The following HS3ST5 variants were observed in gnomAD, a reference collection of about 807,000 sequenced individuals.
HS3ST5 encodes the protein heparan sulfate-glucosamine 3-sulfotransferase 5.
A neutral mutation model predicts 25.4 loss-of-function variants in HS3ST5; 10 were observed. The ratio of observed to expected loss-of-function variants is 0.39; its 90% CI spans 0.24 to 0.67. HS3ST5 has a LOEUF of 0.67. Ranked by LOEUF, HS3ST5 falls within the 30% of genes least tolerant of loss-of-function variation. HS3ST5 has a pLI of 0.44. For missense variants in HS3ST5, 324 were observed against 420.7 expected (o/e 0.77, Z 2.01); for synonymous variants, 170 against 162.4 (o/e 1.05, Z -0.36).
At chr6:114,339,105 A>G (rs1434913173) in intron 1 of HS3ST5, among the ~76,000 whole-genome samples, 1 of 152,118 alleles carries the variant, frequency 6.6e-6, no homozygotes, top group East Asian at 1.9e-4. Context: ...AGAATATGAA[A>G]ATATTGGGAT....
intron 3 of HS3ST5, among the ~76,000 whole-genome samples, chr6:114,126,893 A>T (rs1777064478): frequency 6.6e-6 from 1 of 152,216 alleles, no homozygotes; most frequent in African/African-American, 2.4e-5. Context: ...CAGAAGAATT[A>T]GGTTCAAATG....
intron 2 of HS3ST5, among the ~76,000 whole-genome samples, chr6:114,193,662 A>G (rs1032021554): frequency 2.0e-5 from 3 of 152,244 alleles, no homozygotes; most frequent in African/African-American, 7.2e-5. Flanking sequence ...TAAATGAAAT[A>G]GTACTGTAAT....
At chr6:114,266,565 T>C (rs940465083) in intron 1 of HS3ST5, among the ~76,000 whole-genome samples, 1 of 152,186 alleles carries the variant, frequency 6.6e-6, no homozygotes, top group African/African-American at 2.4e-5. Flanking sequence ...TGTGTGGGTT[T>C]ATTTTTCAAA....
rs116223991 is a variant in HS3ST5 at position 114,278,036 on chromosome 6, G to T, written c.-338-49258C>A. On this transcript the variant is annotated intron_variant, in intron 1 of 4. Coordinates refer to ENST00000312719, the MANE Select transcript of HS3ST5 (RefSeq NM_153612.4). ...AAGGCCACCTGCGATGGGCTTTGAG[G>T]GGGCAGGTTAGTGGGAGAAACAATA... Among the ~76,000 whole-genome samples, 392 of 152,044 alleles carry T rather than the reference G, an allele frequency of 2.6e-3. 1 individual carries two copies. The highest frequency in any genetic ancestry group is 8.4e-3 in the African/African-American group (349 of 41,512).
Position 114,342,500 on chromosome 6 carries a change from A to G in HS3ST5, c.-644T>C. ...GGGGCAGGCGGGCGAGAAGTAGTGG[A>G]GTTTAGGGCGCGTTTCCTGCACTTC... On this transcript the variant is annotated 5_prime_UTR_variant, in exon 1 of 5. Transcript: ENST00000312719. The G allele has an allele frequency of 6.1e-6, 1 of 164,050 alleles. No individual in the cohort carries two copies. The highest frequency in any genetic ancestry group is 1.3e-5 in the Non-Finnish European group (1 of 76,636). 10.2% of individuals were successfully genotyped at this position (164,050 alleles called of 1,614,324 possible). A position where few individuals can be genotyped will look rare whatever the true frequency, so the allele number is the denominator to read the frequency against.
chr6:114,336,287 AT>A (rs1469503937), intron 1 of HS3ST5, among the ~76,000 whole-genome samples: 2 of 152,216 alleles, frequency 1.3e-5, no homozygotes, highest in East Asian at 3.9e-4. Flanking sequence ...ATGAAGTGGT[AT>A]TTCCATTACC....
chr6:114,189,521 A>T lies in HS3ST5; in HGVS notation c.-144-21059T>A, dbSNP rs577069161. Among the ~76,000 whole-genome samples the T allele has an allele frequency of 9.1e-4, 138 of 152,288 alleles. 1 individual carries two copies. The highest frequency in any genetic ancestry group is 3.2e-3 in the African/African-American group (134 of 41,570). On this transcript the variant is annotated intron_variant, in intron 2 of 4. Transcript: ENST00000312719. The stretch of plus-strand genomic sequence containing the variant: ...AAATAGGATCCTTGGACTAATTTTT[A>T]AAAATCTCTGCTATTTTCCATCTCT...
chr6:114,104,076 G>C (rs928382300), intron 3 of HS3ST5, among the ~76,000 whole-genome samples: 5 of 151,830 alleles, frequency 3.3e-5, no homozygotes, highest in Non-Finnish European at 7.4e-5. Flanking sequence ...TATCCAGGGA[G>C]GGGGAGTGCT....
chr6:114,286,569 G>A (rs1404356641), intron 1 of HS3ST5, among the ~76,000 whole-genome samples: 1 of 151,936 alleles, frequency 6.6e-6, no homozygotes, highest in Non-Finnish European at 1.5e-5. Flanking sequence ...GAGAAAGTAA[G>A]TATGTTTATG....
chr6:114,259,387 A>AT (rs1331521796), intron 1 of HS3ST5, among the ~76,000 whole-genome samples: 1 of 152,156 alleles, frequency 6.6e-6, no homozygotes, highest in Non-Finnish European at 1.5e-5. Flanking sequence ...TGTAATGTTG[A>AT]TTTTTTATAA....
At chr6:114,142,215 A>G (rs1158816161) in intron 3 of HS3ST5, among the ~76,000 whole-genome samples, 1 of 152,116 alleles carries the variant, frequency 6.6e-6, no homozygotes, top group African/African-American at 2.4e-5. Context: ...CTCTGTATAG[A>G]ATTCTTTAGA....
chr6:114,158,869 C>G (rs1357075143), intron 3 of HS3ST5, among the ~76,000 whole-genome samples: 3 of 152,192 alleles, frequency 2.0e-5, no homozygotes, highest in African/African-American at 7.2e-5. Context: ...TTCAGCTTTT[C>G]TGCATTCAAT....
At chr6:114,167,626 A>G (rs7745261) in intron 3 of HS3ST5, 147,810 of 152,310 alleles carry the variant, frequency 0.97, 71,883 homozygotes, top group East Asian at 1. Context: ...TCCCTGTGCT[A>G]CCTGACTCCA....
intron 3 of HS3ST5, among the ~76,000 whole-genome samples, chr6:114,091,282 GCAAA>G (rs1274749385): frequency 6.6e-6 from 1 of 152,174 alleles, no homozygotes; most frequent in Non-Finnish European, 1.5e-5. Context: ...AGGATGTTGA[GCAAA>G]CAGTTTGATT....
intron 2 of HS3ST5, among the ~76,000 whole-genome samples, chr6:114,204,338 C>T (rs1197865137): frequency 6.6e-6 from 1 of 152,130 alleles, no homozygotes; most frequent in Non-Finnish European, 1.5e-5. Flanking sequence ...GTTTCTAGGT[C>T]CCAACATGCA....
intron 2 of HS3ST5, among the ~76,000 whole-genome samples, chr6:114,211,642 C>G (rs969753104): frequency 2.8e-4 from 43 of 152,210 alleles, no homozygotes; most frequent in African/African-American, 1.0e-3. Context: ...AAGCATTTAA[C>G]TTTATAAATA....
At chr6:114,334,472 T>G (rs1207810070) in intron 1 of HS3ST5, among the ~76,000 whole-genome samples, 1 of 152,368 alleles carries the variant, frequency 6.6e-6, no homozygotes, top group African/African-American at 2.4e-5. Context: ...TGAGTGCAAC[T>G]GCAGTCATGT....
chr6:114,207,314 G>A (rs562854900), intron 2 of HS3ST5, among the ~76,000 whole-genome samples: 29 of 152,208 alleles, frequency 1.9e-4, no homozygotes, highest in African/African-American at 6.0e-4. Context: ...GAAAAGGAGC[G>A]CAAGTCAGGT....
intron 1 of HS3ST5, among the ~76,000 whole-genome samples, chr6:114,297,132 C>T (rs1055391691): frequency 2.0e-5 from 3 of 152,116 alleles, no homozygotes; most frequent in Non-Finnish European, 4.4e-5. Flanking sequence ...GAGAGGCTAA[C>T]GGACTTCCCC....
Sources: gnomAD v4.1 joint callset for allele counts (sites outside exome capture counted in the v4.1 genomes callset) on GRCh38, gnomAD v4.1.1 for gene constraint, MANE v1.5 for transcripts, NCBI Gene and HGNC (gene_info 2026-07-23, HGNC 2026-07-21) for gene names.